RPL14: variants seen among roughly 807,000 people sequenced by gnomAD.
RPL14 encodes ribosomal protein L14.
In RPL14, 4 loss-of-function variants were observed where a neutral mutation model predicts 25.3. The ratio of observed to expected loss-of-function variants is 0.16; its 90% CI spans 0.08 to 0.36. The LOEUF (loss-of-function observed/expected upper bound fraction) is 0.36. RPL14 is among the 10% of genes least tolerant of loss of function. The pLI is 1.00. For missense variants in RPL14, 212 were observed against 261.9 expected, an observed-to-expected ratio of 0.81 and a Z score of 1.31; for synonymous variants, 75 against 89.8, an observed-to-expected ratio of 0.84 and a Z score of 0.93.
intron 2 of RPL14, chr3:40,458,278 G>T (rs572133229): frequency 7.6e-6 from 4 of 529,462 alleles, no homozygotes; most frequent in Non-Finnish European, 1.3e-5. Flanking sequence ...GATCCAGCAC[G>T]TAGAAAGCAC....
rs988651982 is a variant in RPL14 at position 40,462,625 on chromosome 3, C to T, written c.*393C>T. ...TCTCCTGACCTCGTGATCCGCCCGC[C>T]TCGGCCTCCCAAAGTGCTAGGATTG... On this transcript the variant is annotated 3_prime_UTR_variant, in exon 6 of 6. Coordinates refer to ENST00000396203, the MANE Select transcript of RPL14 (RefSeq NM_001034996.3). 6.2e-6 allele frequency: 1 copy of T among 162,314 alleles called. No individual in the cohort carries two copies. The highest frequency in any genetic ancestry group is 1.3e-5 in the Non-Finnish European group (1 of 74,334). 10.1% of individuals were successfully genotyped at this position (162,314 alleles called of 1,614,324 possible).
intron 3 of RPL14, among the ~76,000 whole-genome samples, chr3:40,460,542 T>C (rs1696920999): frequency 1.3e-5 from 2 of 151,096 alleles, no homozygotes; most frequent in Admixed American, 1.3e-4. Context: ...AAAAAAAGAA[T>C]GGTTTTCAAC....
At position 40,461,588 on chromosome 3, in the gene RPL14, T is replaced by C; in HGVS notation, c.301-20T>C. Reference sequence around the variant, plus strand: ...TAGTGTGAGAGGGATAATTTTTATTTGTTGTTTTTTTTTTAACAGAAAGCC... The same window carrying C: ...TAGTGTGAGAGGGATAATTTTTATTCGTTGTTTTTTTTTTAACAGAAAGCC... On this transcript the variant is annotated intron_variant, in intron 4 of 5. Transcript: ENST00000396203. The C allele has an allele frequency of 6.2e-7, 1 of 1,601,952 alleles. No homozygotes were observed. The highest frequency in any genetic ancestry group is 8.5e-7 in the Non-Finnish European group (1 of 1,175,708).
chr3:40,463,973 CTTT>C lies in RPL14; in HGVS notation c.*1755_*1757del, dbSNP rs34838105. 3.5e-5 allele frequency: 5 copies of C among 143,898 alleles called. No homozygotes were observed. Among genetic ancestry groups the C allele is most frequent in the Admixed American group, 2.1e-4 (3 of 14,316 alleles). 8.9% of individuals were successfully genotyped at this position (143,898 alleles called of 1,614,324 possible). On this transcript the variant is annotated 3_prime_UTR_variant, in exon 6 of 6. Coordinates refer to ENST00000396203, the MANE Select transcript of RPL14 (RefSeq NM_001034996.3). ...CAAAGCTGTACATGAAACAGGATTACTTTTTTTTTTTTTTTTGAGACAGAGCCT... is the reference window on the plus strand; with the variant it reads ...CAAAGCTGTACATGAAACAGGATTACTTTTTTTTTTTTTGAGACAGAGCCT...
At chr3:40,458,471 GACAT>G (rs1170315619) in intron 2 of RPL14, 167 bp from the exon 3 acceptor site, 2 of 603,364 alleles carry the variant, frequency 3.3e-6, no homozygotes, top group Non-Finnish European at 5.9e-6. Flanking sequence ...TTGAGCAAAA[GACAT>G]ACATATATAT....
At chr3:40,460,475 G>A (rs868231899) in intron 3 of RPL14, among the ~76,000 whole-genome samples, 4 of 151,432 alleles carry the variant, frequency 2.6e-5, no homozygotes, top group South Asian at 2.1e-4. Context: ...CCAACGTTGC[G>A]CCAGTGCATT....
In RPL14 at chr3:40,463,120, C is replaced by G. The variant is rs1696974226; in HGVS notation, c.*888C>G. The G allele has an allele frequency of 6.6e-6, 1 of 152,146 alleles. No individual in the cohort carries two copies. The highest frequency in any genetic ancestry group is 1.5e-5 in the Non-Finnish European group (1 of 68,048). 9.4% of individuals were successfully genotyped at this position (152,146 alleles called of 1,614,324 possible). A position where few individuals can be genotyped will look rare whatever the true frequency, so the allele number is the denominator to read the frequency against. On this transcript the variant is annotated 3_prime_UTR_variant, in exon 6 of 6. Transcript: ENST00000396203. ...AGAGACTGGGTTTCACTATGTTGGC[C>G]AGGCTGGTTTTGAACTCCTGACCTC... is the stretch of plus-strand genomic sequence containing the variant.
chr3:40,464,613 G>A lies in RPL14; in HGVS notation c.*2381G>A. On this transcript the variant is annotated 3_prime_UTR_variant, in exon 6 of 6. Coordinates refer to ENST00000396203, the MANE Select transcript of RPL14 (RefSeq NM_001034996.3). ...GAAGCTACTGAGGGTTTTTTAAAAT[G>A]GCGTGATATCTCAGATTTAGATCAT... The A allele has an allele frequency of 2.3e-6, 1 of 436,510 alleles. No homozygotes were observed. Among genetic ancestry groups the A allele is most frequent in the Non-Finnish European group, 4.6e-6 (1 of 216,568 alleles). 27.0% of individuals were successfully genotyped at this position (436,510 alleles called of 1,614,324 possible).
At chr3:40,460,404 G>C (rs1444978963) in intron 3 of RPL14, among the ~76,000 whole-genome samples, 1 of 151,872 alleles carries the variant, frequency 6.6e-6, no homozygotes, top group Non-Finnish European at 1.5e-5. Context: ...TGTAGCCCCA[G>C]CTATTTGGGT....
rs753620257 is a variant in RPL14 at position 40,464,988 on chromosome 3, C to T, written c.*2756C>T. ...GTAGTTTAGGCACATAGTCAAAATC[C>T]AGTTTCCTCATCTATGTGGTACGCT... On this transcript the variant is annotated 3_prime_UTR_variant, in exon 6 of 6. Transcript: ENST00000396203. 35 of 164,866 alleles carry T rather than the reference C, an allele frequency of 2.1e-4. No individual in the cohort carries two copies. Among genetic ancestry groups the T allele is most frequent in the Non-Finnish European group, 4.0e-4 (30 of 75,026 alleles). 10.2% of individuals were successfully genotyped at this position (164,866 alleles called of 1,614,324 possible).
chr3:40,463,852 A>T lies in RPL14; in HGVS notation c.*1620A>T, dbSNP rs953535549. 1 of 152,744 alleles carries T rather than the reference A, an allele frequency of 6.5e-6. No homozygotes were observed. The highest frequency in any genetic ancestry group is 1.5e-5 in the Non-Finnish European group (1 of 68,432). 9.5% of individuals were successfully genotyped at this position (152,744 alleles called of 1,614,324 possible). On this transcript the variant is annotated 3_prime_UTR_variant, in exon 6 of 6. Coordinates refer to ENST00000396203, the MANE Select transcript of RPL14 (RefSeq NM_001034996.3). Reference sequence around the variant, plus strand: ...TAAGTGTTTCAGATAAGAGATACTTATCCTGTGTATAGTAGGTTGGACTTC... The same window carrying T: ...TAAGTGTTTCAGATAAGAGATACTTTTCCTGTGTATAGTAGGTTGGACTTC...
rs758593250 is a variant in RPL14, at chr3:40,458,017, C to T, written c.105+26C>T. The stretch of plus-strand genomic sequence containing the variant: ...GTAAGTGTCACAACTTTTTACTAAA[C>T]ATGGCAGTGGACATGTGCCCTGCAG... On this transcript the variant is annotated intron_variant, in intron 2 of 5. Transcript: ENST00000396203. 3.2e-6 allele frequency: 5 copies of T among 1,587,272 alleles called. No individual in the cohort carries two copies. In the South Asian group the frequency reaches 4.4e-5, roughly 14 times the overall value.
chr3:40,458,929 A>G, intron 3 of RPL14, 193 bp downstream of exon 3: 1 of 536,888 alleles, frequency 1.9e-6, no homozygotes, highest in Admixed American at 3.3e-5. Flanking sequence ...TAATCCCAGT[A>G]CTTTGGGAGG....
rs370587678 is a variant in RPL14 at position 40,460,527 on chromosome 3, GAA to G, written c.201-870_201-869del. Among the ~76,000 whole-genome samples the G allele has an allele frequency of 7.4e-3, 1,015 of 136,250 alleles. 5 individuals are homozygous for G. Among genetic ancestry groups the G allele is most frequent in the African/African-American group, 0.026 (979 of 38,110 alleles). The allele number at this position is 136,250 out of a possible 152,430, so 89.4% of individuals were successfully genotyped here. ...AGAGCAAGACCCTGTCTCAAAAAAA[GAA>G]AAAAAAAAAGAATGGTTTTCAACAC... On this transcript the variant is annotated intron_variant, in intron 3 of 5. Coordinates refer to ENST00000396203, the MANE Select transcript of RPL14 (RefSeq NM_001034996.3).
chr3:40,462,155 G>C lies in RPL14; in HGVS notation c.571G>C (p.Ala191Pro). 1 of 1,612,668 alleles carries C rather than the reference G, an allele frequency of 6.2e-7. No homozygotes were observed. Among genetic ancestry groups the C allele is most frequent in the African/African-American group, 1.3e-5 (1 of 74,966 alleles). The change falls in exon 6 of 6, where the codon GCT becomes CCT. Residue 191 changes from alanine to proline, a missense_variant. This residue lies in a region of RPL14 where 66 missense variants were observed against 62.6 expected (regional missense o/e 1.05). Coordinates refer to ENST00000396203, the MANE Select transcript of RPL14 (RefSeq NM_001034996.3). ...QKATGQKAAP[A>P]PKAQKGQKAP... ...AGCCACAGGCCAGAAAGCAGCGCCT[G>C]CTCCAAAAGCTCAGAAGGGTCAAAA...
intron 1 of RPL14, chr3:40,457,680 C>G: frequency 3.1e-6 from 2 of 652,812 alleles, no homozygotes; most frequent in Admixed American, 2.8e-5. Context: ...CCTTGCGGAC[C>G]TGGGAGCTGG....
intron 3 of RPL14, among the ~76,000 whole-genome samples, chr3:40,461,194 CA>C (rs373793705): frequency 1.5e-3 from 212 of 138,448 alleles, no homozygotes; most frequent in Middle Eastern, 3.7e-3. Context: ...GATCCTCTCT[CA>C]AAAAAAAAAA....
In RPL14 at chr3:40,464,662, T is replaced by C. The variant is rs944690098; in HGVS notation, c.*2430T>C. The C allele has an allele frequency of 1.0e-4, 38 of 372,418 alleles. No individual in the cohort carries two copies. The highest frequency in any genetic ancestry group is 4.2e-4 in the African/African-American group (20 of 47,798). The allele number at this position is 372,418 out of a possible 1,614,324, so 23.1% of individuals were successfully genotyped here. On this transcript the variant is annotated 3_prime_UTR_variant, in exon 6 of 6. Coordinates refer to ENST00000396203, the MANE Select transcript of RPL14 (RefSeq NM_001034996.3). ...ATTGAACTGTTAAGACTGAATCTTA[T>C]GGGATCAAGACTGGGAATGCTCGGG...
In RPL14 at chr3:40,459,858, C is replaced by CAAAAAAAAAAAAA. The variant is rs10682822; in HGVS notation, c.200+1132_200+1144dup. ...TGGGTGACAGAGCGAGACTCCGTTT[C>CAAAAAAAAAAAAA]AAAAAAAAAAAAAAAAAAAAAACTT... On this transcript the variant is annotated intron_variant, in intron 3 of 5. Transcript: ENST00000396203. Among the ~76,000 whole-genome samples, 37 of 90,956 alleles carry CAAAAAAAAAAAAA rather than the reference C, an allele frequency of 4.1e-4. 2 individuals carry two copies. The highest frequency in any genetic ancestry group is 1.5e-3 in the African/African-American group (31 of 21,258). The allele number at this position is 90,956 out of a possible 152,430, so 59.7% of individuals were successfully genotyped here. A position where few individuals can be genotyped will look rare whatever the true frequency, so the allele number is the denominator to read the frequency against.
Sources: allele counts gnomAD v4.1 joint callset (sites outside exome capture counted in the v4.1 genomes callset), GRCh38; gene constraint gnomAD v4.1.1; regional missense constraint gnomAD v4.1.1; transcripts MANE v1.5; gene names NCBI Gene and HGNC (gene_info 2026-07-23, HGNC 2026-07-21).